The following ST7L variants were observed in gnomAD, a reference collection of about 807,000 sequenced individuals.
ST7L encodes the protein suppressor of tumorigenicity 7 protein-like.
ST7L carries 57 observed loss-of-function variants against 72.5 expected under a neutral mutation model. That is an observed-to-expected ratio of 0.79 (90% confidence interval 0.64 to 0.98). The LOEUF is 0.98. Ranked by LOEUF, ST7L falls within the 50% of genes least tolerant of loss-of-function variation. The pLI is 0.00. For synonymous variants in ST7L, 221 were observed against 240.9 expected (o/e 0.92, Z 0.77); for missense variants, 576 against 672.2 (o/e 0.86, Z 1.58).
intron 3 of ST7L, among the ~76,000 whole-genome samples, chr1:112,605,020 G>A (rs961619124): frequency 9.5e-5 from 14 of 146,852 alleles, no homozygotes; most frequent in Non-Finnish European, 1.9e-4. Context: ...CCAGGAGGCA[G>A]AGGTTGCAGT....
intron 3 of ST7L, among the ~76,000 whole-genome samples, chr1:112,604,775 TAAAAA>T (rs556388277): frequency 3.4e-5 from 2 of 58,744 alleles, no homozygotes; most frequent in East Asian, 1.3e-3. Flanking sequence ...TTGTCTCTCT[TAAAAA>T]AAAAAAAAAA....
At chr1:112,564,374 G>A (rs765078531) in intron 11 of ST7L, among the ~76,000 whole-genome samples, 13 of 152,130 alleles carry the variant, frequency 8.5e-5, no homozygotes, top group Non-Finnish European at 1.8e-4. Flanking sequence ...GTTTCATTGT[G>A]CTCTAAGTTT....
In ST7L at chr1:112,581,108, C is replaced by T. The variant is rs532358439; in HGVS notation, c.1069+884G>A. On this transcript the variant is annotated intron_variant, in intron 9 of 14. Transcript: ENST00000358039. ...ATTGGAGACAGTAAAAATACTTGTC[C>T]CACAACATCATAAGACTATTATAAC... is the stretch of plus-strand genomic sequence containing the variant. Among the ~76,000 whole-genome samples the T allele has an allele frequency of 7.8e-4, 119 of 152,188 alleles. 1 individual carries two copies. The highest frequency in any genetic ancestry group is 4.2e-3 in the Admixed American group (64 of 15,288).
intron 10 of ST7L, among the ~76,000 whole-genome samples, chr1:112,577,967 T>TATC (rs1663417189): frequency 6.6e-6 from 1 of 152,222 alleles, no homozygotes; most frequent in African/African-American, 2.4e-5. Context: ...CTACACACTT[T>TATC]ATCATCATCA....
intron 10 of ST7L, 46 bp from the exon 11 acceptor site, chr1:112,577,134 G>GA: frequency 7.9e-7 from 1 of 1,263,984 alleles, no homozygotes; most frequent in South Asian, 1.6e-5. Flanking sequence ...CTAAAAAAAA[G>GA]AAAAAAAGTA....
intron 3 of ST7L, 89 bp downstream of exon 3, chr1:112,610,752 A>C: frequency 6.8e-7 from 1 of 1,471,824 alleles, no homozygotes; most frequent in Non-Finnish European, 9.3e-7. Context: ...TGCACACCAC[A>C]GCACTCTGCT....
intron 6 of ST7L, among the ~76,000 whole-genome samples, chr1:112,589,983 T>C (rs1665446006): frequency 6.6e-6 from 1 of 152,254 alleles, no homozygotes; most frequent in African/African-American, 2.4e-5. Context: ...ACAAGCTTTC[T>C]GGTTTGTCTA....
At chr1:112,578,182 C>T (rs374390389) in intron 10 of ST7L, among the ~76,000 whole-genome samples, 163 bp downstream of exon 10, 6 of 152,296 alleles carry the variant, frequency 3.9e-5, no homozygotes, top group African/African-American at 1.4e-4. Flanking sequence ...AAAAACTTTG[C>T]TCTTTCCACT....
downstream of ST7L, chr1:112,523,376 C>A (rs1294857308): frequency 6.6e-6 from 1 of 152,182 alleles, no homozygotes; most frequent in African/African-American, 2.4e-5. Context: ...TCCATTTGAG[C>A]CCCACCACGG....
intron 11 of ST7L, among the ~76,000 whole-genome samples, chr1:112,565,914 G>A (rs1051532989): frequency 6.6e-6 from 1 of 152,038 alleles, no homozygotes; most frequent in Admixed American, 6.6e-5. Flanking sequence ...GGAAGGCTTA[G>A]GTGGGAGGAT....
chr1:112,603,481 T>A (rs1262436060), intron 3 of ST7L, among the ~76,000 whole-genome samples: 1 of 152,234 alleles, frequency 6.6e-6, no homozygotes, highest in East Asian at 1.9e-4. Context: ...CTGAGAAGAT[T>A]ATTAAAATAC....
At chr1:112,587,649 G>A (rs532770517) in intron 6 of ST7L, among the ~76,000 whole-genome samples, 2 of 152,256 alleles carry the variant, frequency 1.3e-5, no homozygotes, top group East Asian at 1.9e-4. Context: ...GATAATATGG[G>A]TTTATTTCTG....
chr1:112,588,633 A>G (rs181362904), intron 6 of ST7L, among the ~76,000 whole-genome samples: 49 of 152,274 alleles, frequency 3.2e-4, no homozygotes, highest in Non-Finnish European at 6.3e-4. Context: ...TGTTTTTTCT[A>G]CATCAGTTGA....
intron 11 of ST7L, among the ~76,000 whole-genome samples, chr1:112,573,093 A>G (rs1416828831): frequency 2.0e-5 from 3 of 152,158 alleles, no homozygotes; most frequent in Non-Finnish European, 4.4e-5. Flanking sequence ...TTATGCCTGT[A>G]ATCTCAGCAC....
intron 6 of ST7L, among the ~76,000 whole-genome samples, chr1:112,584,338 C>T (rs1411158868): frequency 6.7e-6 from 1 of 150,324 alleles, no homozygotes; most frequent in Non-Finnish European, 1.5e-5. Context: ...TCTTATCTTT[C>T]CCTTCTCTTT....
At chr1:112,530,626 G>C (rs1654229338) in intron 14 of ST7L, among the ~76,000 whole-genome samples, 1 of 152,086 alleles carries the variant, frequency 6.6e-6, no homozygotes, top group Non-Finnish European at 1.5e-5. Context: ...TGTTGGCCAG[G>C]CTGGTCTCAA....
chr1:112,547,435 C>T (rs1057510885), intron 13 of ST7L, among the ~76,000 whole-genome samples: 2 of 151,844 alleles, frequency 1.3e-5, no homozygotes, highest in African/African-American at 2.4e-5. Flanking sequence ...TCAAGTGATC[C>T]GCCCAGCTCA....
intron 11 of ST7L, among the ~76,000 whole-genome samples, chr1:112,575,286 T>G (rs1434529589): frequency 6.6e-6 from 1 of 152,118 alleles, no homozygotes; most frequent in African/African-American, 2.4e-5. Context: ...AGTACATATG[T>G]TTTAAGACTC....
At chr1:112,605,537 A>G (rs1668101107) in intron 3 of ST7L, among the ~76,000 whole-genome samples, 2 of 150,688 alleles carry the variant, frequency 1.3e-5, no homozygotes, top group African/African-American at 4.9e-5. Flanking sequence ...CTAAAAATAC[A>G]AAATTAGCCA....
Sources: gnomAD v4.1 joint callset for allele counts (sites outside exome capture counted in the v4.1 genomes callset) on GRCh38, gnomAD v4.1.1 for gene constraint, MANE v1.5 for transcripts, NCBI Gene and HGNC (gene_info 2026-07-23, HGNC 2026-07-21) for gene names.